The following GLIS3 variants were observed in gnomAD, a reference collection of about 807,000 sequenced individuals.
GLIS3 encodes the protein zinc finger protein GLIS3.
In GLIS3, 53 loss-of-function variants were observed where a neutral mutation model predicts 78.6. The ratio of observed to expected loss-of-function variants is 0.67; its 90% CI spans 0.54 to 0.85. GLIS3 has a LOEUF of 0.85. GLIS3 is among the 40% of genes least tolerant of loss of function. The pLI, the probability that GLIS3 is intolerant of heterozygous loss-of-function variation, is 0.00. For missense variants in GLIS3, 1,703 were observed against 1,231.1 expected (o/e 1.38, Z -5.74); for synonymous variants, 684 against 509.9 (o/e 1.34, Z -4.60).
chr9:3,903,072 A>C (rs182732629), intron 6 of GLIS3, among the ~76,000 whole-genome samples: 120 of 152,290 alleles, frequency 7.9e-4, no homozygotes, highest in African/African-American at 2.8e-3. Flanking sequence ...GTCATCATAA[A>C]ATATCTTGGC....
chr9:3,900,856 G>C (rs1020659025), intron 6 of GLIS3: 3 of 151,926 alleles, frequency 2.0e-5, no homozygotes, highest in Non-Finnish European at 2.9e-5. Flanking sequence ...GCCACACCAC[G>C]GTTGAGCCAT....
At chr9:4,117,396 T>TA (rs1831738162) in intron 4 of GLIS3, among the ~76,000 whole-genome samples, 1 of 152,222 alleles carries the variant, frequency 6.6e-6, no homozygotes, top group Non-Finnish European at 1.5e-5. Context: ...AGTCACTGCA[T>TA]ATTTGCTTTG....
intron 6 of GLIS3, among the ~76,000 whole-genome samples, chr9:3,907,529 G>A (rs952958925): frequency 4.6e-5 from 7 of 151,256 alleles, no homozygotes; most frequent in Non-Finnish European, 7.4e-5. Flanking sequence ...ATGTGCTGCC[G>A]CCCCTCAGCT....
the GLIS3 span, among the ~76,000 whole-genome samples, chr9:4,371,562 T>C: frequency 1.3e-5 from 2 of 152,154 alleles, no homozygotes; most frequent in African/African-American, 2.4e-5. Flanking sequence ...GGGGACACCC[T>C]ACCACCCCTA....
chr9:4,362,172 A>G, the GLIS3 span, among the ~76,000 whole-genome samples: 5 of 152,226 alleles, frequency 3.3e-5, no homozygotes, highest in Non-Finnish European at 4.4e-5. Context: ...TGTGTCTCAA[A>G]TTAGTCTCTT....
At chr9:4,022,082 T>C (rs1588470647) in intron 4 of GLIS3, among the ~76,000 whole-genome samples, 1 of 152,066 alleles carries the variant, frequency 6.6e-6, no homozygotes, top group African/African-American at 2.4e-5. Flanking sequence ...CAACTTAATG[T>C]CTAAAGACTT....
At chr9:4,017,093 C>T (rs1822504192) in intron 4 of GLIS3, among the ~76,000 whole-genome samples, 1 of 152,198 alleles carries the variant, frequency 6.6e-6, no homozygotes, top group Admixed American at 6.5e-5. Flanking sequence ...AAACCTTTCT[C>T]TTTCAGAAAC....
chr9:4,457,105 A>G, the GLIS3 span, among the ~76,000 whole-genome samples: 2 of 152,158 alleles, frequency 1.3e-5, no homozygotes. Flanking sequence ...GCTCAAAGCT[A>G]TAATCTCAGA....
At chr9:4,180,601 T>G (rs1817227391) in intron 2 of GLIS3, among the ~76,000 whole-genome samples, 1 of 152,214 alleles carries the variant, frequency 6.6e-6, no homozygotes, top group Non-Finnish European at 1.5e-5. Context: ...TTTCCAATTT[T>G]AATCTGAGGA....
chr9:3,876,088 TAAA>T (rs2130431658), intron 8 of GLIS3, among the ~76,000 whole-genome samples: 2 of 152,266 alleles, frequency 1.3e-5, no homozygotes, highest in South Asian at 4.1e-4. Context: ...AGGTGCAATC[TAAA>T]TCTCAAAAAA....
rs757680257 is a variant in GLIS3 at position 3,904,095 on chromosome 9, T to C, written c.1984-5260A>G. The stretch of plus-strand genomic sequence containing the variant: ...TTGTCTCCCCTTCTTTGAGAGCCCA[T>C]ATGAGCTGTGAGGTGTGACTACTGT... On this transcript the variant is annotated intron_variant, in intron 6 of 10. Transcript: ENST00000381971. 8.1e-4 allele frequency among the ~76,000 whole-genome samples: 124 copies of C among 152,282 alleles called. No individual in the cohort carries two copies. The Middle Eastern group carries it at 0.01, about 13-fold the overall frequency.
At chr9:4,470,152 C>T in the GLIS3 span, among the ~76,000 whole-genome samples, 6 of 152,176 alleles carry the variant, frequency 3.9e-5, no homozygotes, top group African/African-American at 1.4e-4. Flanking sequence ...CAGACGGATT[C>T]ACAGCCGAAT....
Position 4,248,503 on chromosome 9 carries a change from G to A in GLIS3, c.388+37535C>T, listed in dbSNP as rs138551447. On this transcript the variant is annotated intron_variant, in intron 2 of 10. Transcript: ENST00000381971. ...TCAGTCTATCATTGATGGGCATTTG[G>A]GTTGGTTCCAACTCTTTGCTATTGT... 2.3e-3 allele frequency among the ~76,000 whole-genome samples: 349 copies of A among 152,168 alleles called. 1 individual carries two copies. Among genetic ancestry groups the A allele is most frequent in the African/African-American group, 8.0e-3 (331 of 41,520 alleles).
intron 2 of GLIS3, among the ~76,000 whole-genome samples, chr9:4,237,294 G>T (rs762191008): frequency 6.6e-6 from 1 of 151,738 alleles, no homozygotes; most frequent in Non-Finnish European, 1.5e-5. Context: ...GTCTCTAGAC[G>T]GAATATTACA....
At chr9:4,042,301 G>C (rs931081477) in intron 4 of GLIS3, among the ~76,000 whole-genome samples, 5 of 152,042 alleles carry the variant, frequency 3.3e-5, no homozygotes, top group African/African-American at 1.2e-4. Context: ...CAAGCCCAAG[G>C]GTCAGCAGAA....
chr9:4,408,458 C>G, the GLIS3 span, among the ~76,000 whole-genome samples: 1 of 151,230 alleles, frequency 6.6e-6, no homozygotes, highest in Non-Finnish European at 1.5e-5. Flanking sequence ...GGCCGGGCAC[C>G]TTGGCTCAGC....
chr9:4,101,829 G>A (rs762491269), intron 4 of GLIS3, among the ~76,000 whole-genome samples: 1 of 152,130 alleles, frequency 6.6e-6, no homozygotes, highest in Admixed American at 6.5e-5. Context: ...TGTATCTCAT[G>A]CCATCTTGCA....
intron 2 of GLIS3, among the ~76,000 whole-genome samples, chr9:4,275,557 T>G (rs1445238077): frequency 6.6e-6 from 1 of 151,390 alleles, no homozygotes; most frequent in Non-Finnish European, 1.5e-5. Flanking sequence ...CCTAGGAGTT[T>G]GAGACCATCC....
intron 4 of GLIS3, among the ~76,000 whole-genome samples, chr9:4,049,836 C>T (rs928117284): frequency 1.3e-5 from 2 of 152,224 alleles, no homozygotes; most frequent in African/African-American, 4.8e-5. Flanking sequence ...AGCCAACAGA[C>T]ACATGAAAAA....
Sources: allele counts gnomAD v4.1 joint callset (sites outside exome capture counted in the v4.1 genomes callset), GRCh38; gene constraint gnomAD v4.1.1; transcripts MANE v1.5; gene names NCBI Gene and HGNC (gene_info 2026-07-23, HGNC 2026-07-21).